The following PTPRN2 variants were observed in gnomAD, a reference collection of about 807,000 sequenced individuals.
The protein encoded by PTPRN2 is receptor-type tyrosine-protein phosphatase N2.
PTPRN2 carries 74 observed loss-of-function variants against 118.8 expected under a neutral mutation model. That is an observed-to-expected ratio of 0.62 (90% confidence interval 0.52 to 0.76). PTPRN2 has a LOEUF of 0.76. Ranked by LOEUF, PTPRN2 falls within the 30% of genes least tolerant of loss-of-function variation. PTPRN2 has a pLI of 0.00. For synonymous variants in PTPRN2, 641 were observed against 608.0 expected (o/e 1.05, Z -0.80); for missense variants, 1,481 against 1,394.4 (o/e 1.06, Z -0.99).
At chr7:158,286,546 TTGAG>T (rs1478280160) in intron 3 of PTPRN2, among the ~76,000 whole-genome samples, 2 of 152,246 alleles carry the variant, frequency 1.3e-5, no homozygotes, top group African/African-American at 2.4e-5. Flanking sequence ...ATCTAATTTA[TTGAG>T]TGTTTTTATT....
At chr7:158,262,305 T>TCACACACTGCACACACATTCA (rs1332991127) in intron 3 of PTPRN2, among the ~76,000 whole-genome samples, 1 of 146,658 alleles carries the variant, frequency 6.8e-6, no homozygotes, top group Non-Finnish European at 1.5e-5. Flanking sequence ...GCACACACAT[T>TCACACACTGCACACACATTCA]CACACACTGC....
intron 9 of PTPRN2, among the ~76,000 whole-genome samples, chr7:158,128,242 G>T (rs1439257386): frequency 6.6e-6 from 1 of 152,160 alleles, no homozygotes; most frequent in Non-Finnish European, 1.5e-5. Flanking sequence ...TGATAATAGG[G>T]CAAAAACCTC....
At chr7:158,519,113 G>A (rs528700038) in intron 1 of PTPRN2, among the ~76,000 whole-genome samples, 9 of 152,270 alleles carry the variant, frequency 5.9e-5, no homozygotes, top group East Asian at 3.9e-4. Context: ...GAGAACAGCC[G>A]TGCAGCATCT....
At chr7:157,641,372 C>G (rs1392704220) in intron 14 of PTPRN2, among the ~76,000 whole-genome samples, 1 of 152,196 alleles carries the variant, frequency 6.6e-6, no homozygotes, top group Non-Finnish European at 1.5e-5. Context: ...AGGCCAAACA[C>G]TGAGTGAGTG....
rs913746338 is a variant in PTPRN2 at position 157,729,827 on chromosome 7, G to A, written c.1789-46890C>T. 6.6e-6 allele frequency among the ~76,000 whole-genome samples: 1 copy of A among 152,156 alleles called. No individual in the cohort carries two copies. The highest frequency in any genetic ancestry group is 6.5e-5 in the Admixed American group (1 of 15,276). On this transcript the variant is annotated intron_variant, in intron 12 of 22. Transcript: ENST00000389418. The surrounding 1 kb of genome is among the most constrained non-coding windows in gnomAD (Gnocchi z 4.3). ...GCTGGCCACGTGGAGGACGGGGAGC[G>A]GCAGGCGGATGAGGGAAGGACCGTC...
intron 3 of PTPRN2, among the ~76,000 whole-genome samples, chr7:158,225,084 T>A (rs1246394170): frequency 6.6e-6 from 1 of 152,076 alleles, no homozygotes; most frequent in South Asian, 2.1e-4. Flanking sequence ...GGAAAGGATT[T>A]GGATTCAGAA....
At chr7:158,545,503 G>A (rs1234427207) in intron 1 of PTPRN2, among the ~76,000 whole-genome samples, 2 of 152,274 alleles carry the variant, frequency 1.3e-5, no homozygotes, top group Admixed American at 1.3e-4. Context: ...TTTCCACCCT[G>A]AGCAGCCGTC....
intron 9 of PTPRN2, among the ~76,000 whole-genome samples, chr7:158,123,573 C>T (rs188137117): frequency 1.5e-3 from 235 of 152,250 alleles, no homozygotes; most frequent in African/African-American, 5.0e-3. Context: ...GCTCGTGTGC[C>T]GCACCCAGGC....
At chr7:157,644,070 C>T in intron 14 of PTPRN2, among the ~76,000 whole-genome samples, 1 of 152,018 alleles carries the variant, frequency 6.6e-6, no homozygotes, top group East Asian at 1.9e-4. Context: ...TGAACCATTC[C>T]CTAGAATCCA....
At chr7:157,642,836 A>AAAAAAAAAAAAAAAAC (rs1804775207) in intron 14 of PTPRN2, among the ~76,000 whole-genome samples, 2 of 145,944 alleles carry the variant, frequency 1.4e-5, no homozygotes, top group African/African-American at 2.6e-5. Flanking sequence ...AAAAAAAAAA[A>AAAAAAAAAAAAAAAAC]AAAAAAAAGC....
At chr7:157,961,697 T>C (rs965150866) in intron 11 of PTPRN2, among the ~76,000 whole-genome samples, 1 of 152,258 alleles carries the variant, frequency 6.6e-6, no homozygotes, top group South Asian at 2.1e-4. Flanking sequence ...TTCAGTTTCC[T>C]GATTTGTAAA....
intron 14 of PTPRN2, among the ~76,000 whole-genome samples, chr7:157,626,384 C>G (rs1001964919): frequency 5.3e-5 from 8 of 152,122 alleles, no homozygotes; most frequent in Admixed American, 3.9e-4. Flanking sequence ...CAGCCTTTGC[C>G]CCGTCCCCAC....
In PTPRN2 at chr7:157,576,655, C is replaced by A. The variant is rs774586737; in HGVS notation, c.2741G>T (p.Arg914Leu). Residue 914 changes from arginine to leucine, a missense_variant, in exon 19 of 23, where the codon CGA (arginine) becomes CTA (leucine). Physicochemically the swap from Arg to Leu is moderately radical, Grantham distance 102. This residue lies in a region of PTPRN2 where 362 missense variants were observed against 384.1 expected (regional missense o/e 0.94). Transcript: ENST00000389418. ...TQFHFLSWYDRGVPSSSRSLL... is the reference protein window; with the variant it reads ...TQFHFLSWYDLGVPSSSRSLL... ...GGACCTTGAGGAGGAAGGGACTCCT[C>A]GGTCATACCAACTCAGGAAGTGGAA... The A allele has an allele frequency of 6.2e-7, 1 of 1,612,690 alleles. No homozygotes were observed. Among genetic ancestry groups the A allele is most frequent in the Non-Finnish European group, 8.5e-7 (1 of 1,179,394 alleles).
intron 6 of PTPRN2, among the ~76,000 whole-genome samples, chr7:158,151,891 C>T (rs1290206617): frequency 1.3e-5 from 2 of 152,130 alleles, no homozygotes; most frequent in African/African-American, 2.4e-5. Flanking sequence ...ACCATGAATG[C>T]GGCCGGGCGC....
At chr7:158,116,301 G>GT (rs1411543750) in intron 9 of PTPRN2, among the ~76,000 whole-genome samples, 2 of 152,230 alleles carry the variant, frequency 1.3e-5, no homozygotes, top group Admixed American at 6.5e-5. Context: ...AAGATGGTGA[G>GT]TAGGAAACAC....
At chr7:157,939,120 TA>T (rs1799894855) in intron 11 of PTPRN2, among the ~76,000 whole-genome samples, 1 of 152,048 alleles carries the variant, frequency 6.6e-6, no homozygotes, top group Non-Finnish European at 1.5e-5. Flanking sequence ...TACAGTCAGA[TA>T]CAGTAAAGCA....
intron 6 of PTPRN2, among the ~76,000 whole-genome samples, chr7:158,149,769 A>C (rs1301896808): frequency 1.3e-5 from 2 of 150,390 alleles, no homozygotes; most frequent in Non-Finnish European, 3.0e-5. Flanking sequence ...GTGCCATTGC[A>C]CTCCAGCCTG....
At chr7:158,050,836 G>A (rs2128896364) in intron 11 of PTPRN2, among the ~76,000 whole-genome samples, 1 of 152,328 alleles carries the variant, frequency 6.6e-6, no homozygotes, top group South Asian at 2.1e-4. Flanking sequence ...TATGCAAAGA[G>A]GCACTGAAAG....
intron 14 of PTPRN2, among the ~76,000 whole-genome samples, chr7:157,644,567 G>A (rs796564117): frequency 3.0e-4 from 45 of 152,318 alleles, no homozygotes; most frequent in African/African-American, 1.0e-3. Flanking sequence ...GGAGGCTGAG[G>A]CAGGCGGATC....
Sources: gnomAD v4.1 joint callset for allele counts (sites outside exome capture counted in the v4.1 genomes callset) on GRCh38, gnomAD v4.1.1 for gene constraint, gnomAD v4.1.1 regional missense constraint, Gnocchi (gnomAD v3.1) non-coding constraint, MANE v1.5 for transcripts, NCBI Gene and HGNC (gene_info 2026-07-23, HGNC 2026-07-21) for gene names.